Variants in ZMAT4 observed in about 807,000 individuals in gnomAD.
ZMAT4 encodes zinc finger matrin-type protein 4.
In ZMAT4, 17 loss-of-function variants were observed where a neutral mutation model predicts 28.7. The ratio of observed to expected loss-of-function variants is 0.59; its 90% CI spans 0.41 to 0.89. ZMAT4 has a LOEUF of 0.89. ZMAT4 is among the 40% of genes least tolerant of loss of function. ZMAT4 has a pLI of 0.00. For missense variants in ZMAT4, 240 were observed against 283.8 expected (o/e 0.85, Z 1.11); for synonymous variants, 117 against 109.2 (o/e 1.07, Z -0.44).
intron 2 of ZMAT4, among the ~76,000 whole-genome samples, chr8:40,796,378 A>G (rs1814600670): frequency 6.6e-6 from 1 of 152,184 alleles, no homozygotes. Flanking sequence ...AAAAATGAAA[A>G]CAAAAAAACA....
At chr8:40,785,491 T>C (rs1814034834) in intron 2 of ZMAT4, among the ~76,000 whole-genome samples, 1 of 152,202 alleles carries the variant, frequency 6.6e-6, no homozygotes, top group Non-Finnish European at 1.5e-5. Context: ...TATTAATTAG[T>C]CTCACTGTCT....
chr8:40,624,303 T>C (rs1475371987), intron 5 of ZMAT4, among the ~76,000 whole-genome samples: 1 of 152,156 alleles, frequency 6.6e-6, no homozygotes, highest in East Asian at 1.9e-4. Context: ...GGAAAGATCA[T>C]GTGAGGGTCA....
At chr8:40,595,931 A>C (rs1805076922) in intron 5 of ZMAT4, among the ~76,000 whole-genome samples, 2 of 152,078 alleles carry the variant, frequency 1.3e-5, no homozygotes, top group Admixed American at 1.3e-4. Flanking sequence ...TAAAAATACA[A>C]AAATTAGCCA....
At chr8:40,558,863 G>T (rs1258627436) in intron 6 of ZMAT4, among the ~76,000 whole-genome samples, 1 of 151,928 alleles carries the variant, frequency 6.6e-6, no homozygotes, top group South Asian at 2.1e-4. Context: ...TTTTAGACAC[G>T]ACAGCCAACC....
chr8:40,802,364 G>A (rs2150588311), intron 2 of ZMAT4, among the ~76,000 whole-genome samples: 1 of 152,226 alleles, frequency 6.6e-6, no homozygotes, highest in Non-Finnish European at 1.5e-5. Flanking sequence ...GAATTCATAG[G>A]TGATTATAGC....
intron 3 of ZMAT4, among the ~76,000 whole-genome samples, chr8:40,748,653 C>A (rs1245089373): frequency 6.6e-6 from 1 of 152,136 alleles, no homozygotes; most frequent in Non-Finnish European, 1.5e-5. Context: ...TCTTTGTATT[C>A]GTTTAGCTTC....
rs921794790 is a variant in ZMAT4, at chr8:40,707,200, C to A, written c.193-9799G>T. Among the ~76,000 whole-genome samples the A allele has an allele frequency of 3.1e-4, 47 of 149,314 alleles. No homozygotes were observed. The East Asian group carries it at 8.2e-3, about 26-fold the overall frequency. On this transcript the variant is annotated intron_variant, in intron 3 of 6. Coordinates refer to ENST00000297737, the MANE Select transcript of ZMAT4 (RefSeq NM_024645.3). ...CTGATGCTTCCTCACTCCCACAGAA[C>A]TTCCTTCAGGCCTGCCCCCCCACCC...
At position 40,557,950 on chromosome 8, in the gene ZMAT4, T is replaced by G. The variant is rs760575702; in HGVS notation, c.674+23215A>C. Among the ~76,000 whole-genome samples the G allele has an allele frequency of 2.6e-5, 4 of 152,232 alleles. No individual in the cohort carries two copies. The Middle Eastern group carries it at 0.01, about 388-fold the overall frequency. ...ACTGCTAGGTAGAGACAAAATAGGA[T>G]GATGTGACAGAGAACACTGAGGTGA... On this transcript the variant is annotated intron_variant, in intron 6 of 6. Transcript: ENST00000297737.
At chr8:40,853,483 G>A (rs1221507158) in intron 1 of ZMAT4, among the ~76,000 whole-genome samples, 1 of 152,112 alleles carries the variant, frequency 6.6e-6, no homozygotes, top group African/African-American at 2.4e-5. Flanking sequence ...TTGAACCCAG[G>A]AGGAAGAGGT....
rs1165459137 is a variant in ZMAT4 at position 40,733,021 on chromosome 8, T to TTTCATTATCTTAGAGGTC, written c.192+34602_192+34619dup. 4.0e-5 allele frequency among the ~76,000 whole-genome samples: 6 copies of TTTCATTATCTTAGAGGTC among 151,828 alleles called. No homozygotes were observed. The East Asian group carries it at 1.2e-3, about 29-fold the overall frequency. On this transcript the variant is annotated intron_variant, in intron 3 of 6. Transcript: ENST00000297737. ...CCACCACACCAAGCTAATTTTTAAT[T>TTTCATTATCTTAGAGGTC]TTCATTATCTTAGAGGTCTTGCTAT... is the stretch of plus-strand genomic sequence containing the variant.
chr8:40,822,835 G>A (rs918950001), intron 2 of ZMAT4, among the ~76,000 whole-genome samples: 6 of 152,126 alleles, frequency 3.9e-5, no homozygotes, highest in Non-Finnish European at 7.4e-5. Flanking sequence ...ATGTTATCTC[G>A]ATGATGTGTA....
At chr8:40,856,873 C>A (rs1027481753) in intron 1 of ZMAT4, among the ~76,000 whole-genome samples, 17 of 152,120 alleles carry the variant, frequency 1.1e-4, no homozygotes, top group African/African-American at 4.1e-4. Flanking sequence ...CGTGGATGAA[C>A]CCCAGAGTCT....
intron 5 of ZMAT4, among the ~76,000 whole-genome samples, chr8:40,638,890 C>G (rs190533643): frequency 2.6e-4 from 40 of 152,352 alleles, no homozygotes; most frequent in Non-Finnish European, 5.1e-4. Context: ...ATTAAGTCAA[C>G]AGAAAAGCTT....
At chr8:40,866,070 G>A (rs1817667593) in intron 1 of ZMAT4, among the ~76,000 whole-genome samples, 1 of 152,142 alleles carries the variant, frequency 6.6e-6, no homozygotes, top group Admixed American at 6.5e-5. Context: ...AGCCTTCCTA[G>A]AACAAGGCAT....
At chr8:40,768,561 A>G (rs1305044013) in intron 2 of ZMAT4, among the ~76,000 whole-genome samples, 2 of 152,194 alleles carry the variant, frequency 1.3e-5, no homozygotes, top group African/African-American at 4.8e-5. Flanking sequence ...GTCATCACAC[A>G]TTCAGAATCT....
chr8:40,802,178 G>T (rs1250693669), intron 2 of ZMAT4, among the ~76,000 whole-genome samples: 1 of 152,196 alleles, frequency 6.6e-6, no homozygotes, highest in Non-Finnish European at 1.5e-5. Context: ...AGACAAGAAT[G>T]TCTCCTCTCA....
rs973649107 is a variant in ZMAT4, at chr8:40,825,498, G to T, written c.102+77C>A. ...AAATGTGCCCCAAGTCCAGAAGGAG[G>T]ATCCTGGAGTCCTACAACAATGACC... On this transcript the variant is annotated intron_variant, in intron 2 of 6. Transcript: ENST00000297737. 58 of 1,241,342 alleles carry T rather than the reference G, an allele frequency of 4.7e-5. No homozygotes were observed. The South Asian group carries it at 7.6e-4, about 16-fold the overall frequency. 76.9% of individuals were successfully genotyped at this position (1,241,342 alleles called of 1,614,324 possible).
chr8:40,861,560 C>T (rs928002713), intron 1 of ZMAT4, among the ~76,000 whole-genome samples: 2 of 152,162 alleles, frequency 1.3e-5, no homozygotes. Flanking sequence ...CAACAAAAGC[C>T]AAAATTGACA....
At chr8:40,560,037 G>A (rs1446086861) in intron 6 of ZMAT4, among the ~76,000 whole-genome samples, 1 of 151,954 alleles carries the variant, frequency 6.6e-6, no homozygotes, top group Non-Finnish European at 1.5e-5. Flanking sequence ...TGCTCCCTGA[G>A]GTCTGTTCCA....
Sources: gnomAD v4.1 joint callset for allele counts (sites outside exome capture counted in the v4.1 genomes callset) on GRCh38, gnomAD v4.1.1 for gene constraint, MANE v1.5 for transcripts, NCBI Gene and HGNC (gene_info 2026-07-23, HGNC 2026-07-21) for gene names.